The following DIO2 variants were observed in gnomAD, a reference collection of about 807,000 sequenced individuals.
The protein encoded by DIO2 is type II iodothyronine deiodinase.
In DIO2, 19 loss-of-function variants were observed where a neutral mutation model predicts 21.4. The observed-to-expected ratio is 0.89, with a 90% CI of 0.62 to 1.30. DIO2 has a LOEUF of 1.30. Ranked by LOEUF, DIO2 falls within the 50% of genes most tolerant of loss-of-function variation. The pLI, the probability that DIO2 is intolerant of heterozygous loss-of-function variation, is 0.00. For missense variants in DIO2, 302 were observed against 338.1 expected (o/e 0.89, Z 0.84); for synonymous variants, 122 against 132.9 (o/e 0.92, Z 0.57).
At chr14:80,210,766 TTCTTA>T (rs1451102686) in intron 1 of DIO2, among the ~76,000 whole-genome samples, 1 of 152,194 alleles carries the variant, frequency 6.6e-6, no homozygotes, top group African/African-American at 2.4e-5. Flanking sequence ...TATGACCACT[TTCTTA>T]TCTTGTCAAC....
At chr14:80,217,483 A>G (rs771464748) in intron 2 of DIO2, among the ~76,000 whole-genome samples, 55 of 152,174 alleles carry the variant, frequency 3.6e-4, no homozygotes, top group Non-Finnish European at 1.0e-4. Context: ...GTGAATCCTT[A>G]TGCTTTTCTA....
chr14:80,202,944 T>A lies in DIO2; in HGVS notation c.567A>T (p.Glu189Asp). 1 of 1,613,992 alleles carries A rather than the reference T, an allele frequency of 6.2e-7. No individual in the cohort carries two copies. Among genetic ancestry groups the A allele is most frequent in the South Asian group, 1.1e-5 (1 of 91,082 alleles). ...SFEVKKHQNQ[E>D]DRCAAAQQLL... ...GCTGCTGGGCTGCTGCACATCGATCTTCCTGGTTCTGGTGCTTCTTCACCT... is the reference window on the plus strand; with the variant it reads ...GCTGCTGGGCTGCTGCACATCGATCATCCTGGTTCTGGTGCTTCTTCACCT... Residue 189 changes from glutamate to aspartate, a missense_variant, in exon 2 of 2, where the codon GAA becomes GAT. By Grantham distance (45) the Glu-to-Asp change is conservative. Coordinates refer to ENST00000438257, the MANE Select transcript of DIO2 (RefSeq NM_013989.5).
upstream of DIO2, among the ~76,000 whole-genome samples, chr14:80,213,232 C>A (rs1888268145): frequency 6.6e-6 from 1 of 152,162 alleles, no homozygotes; most frequent in Non-Finnish European, 1.5e-5. Flanking sequence ...CCACTTTATT[C>A]TACTTTTTCA....
In DIO2 at chr14:80,221,903, A is replaced by G. The variant is rs920475833; in HGVS notation, c.-277-5166T>C. Among the ~76,000 whole-genome samples, 14 of 152,182 alleles carry G rather than the reference A, an allele frequency of 9.2e-5. No individual in the cohort carries two copies. The East Asian group carries it at 2.7e-3, about 29-fold the overall frequency. On this transcript the variant is annotated intron_variant, in intron 2 of 4. Coordinates refer to the DIO2 transcript ENST00000553594. Reference sequence around the variant, plus strand: ...CAAGTAATAATCTCTTTCATCAGTGATCTGTCATCTTCTCAACTATTTACC... The same window carrying G: ...CAAGTAATAATCTCTTTCATCAGTGGTCTGTCATCTTCTCAACTATTTACC...
intron 2 of DIO2, among the ~76,000 whole-genome samples, chr14:80,222,040 G>A (rs1888476078): frequency 6.6e-6 from 1 of 152,194 alleles, no homozygotes; most frequent in Non-Finnish European, 1.5e-5. Context: ...GAGGAAGGTG[G>A]GAGGGGAGAA....
At chr14:80,213,636 C>T (rs190013770), upstream of DIO2, among the ~76,000 whole-genome samples, 15 of 152,276 alleles carry the variant, frequency 9.9e-5, no homozygotes, top group Non-Finnish European at 1.3e-4. Flanking sequence ...CCATGCTTGG[C>T]GCACAGTTGG....
At chr14:80,213,315 A>T (rs894021484), upstream of DIO2, among the ~76,000 whole-genome samples, 1 of 152,238 alleles carries the variant, frequency 6.6e-6, no homozygotes, top group Non-Finnish European at 1.5e-5. Context: ...GGTAATAGAT[A>T]GCTGAGTTTT....
intron 1 of DIO2, 43 bp downstream of exon 1, chr14:80,211,208 G>A: frequency 1.3e-6 from 2 of 1,558,862 alleles, no homozygotes; most frequent in Non-Finnish European, 1.7e-6. Context: ...ATGAGCCCCT[G>A]CCCCTGTAGA....
At chr14:80,223,392 G>A (rs1357983283) in intron 2 of DIO2, among the ~76,000 whole-genome samples, 1 of 152,192 alleles carries the variant, frequency 6.6e-6, no homozygotes, top group Non-Finnish European at 1.5e-5. Context: ...AACATAGCAT[G>A]TTAAAACTCA....
chr14:80,225,415 T>C (rs1888556232), intron 2 of DIO2, among the ~76,000 whole-genome samples: 1 of 152,180 alleles, frequency 6.6e-6, no homozygotes, highest in African/African-American at 2.4e-5. Flanking sequence ...AAGTTAACAA[T>C]ACTTAAATGC....
At chr14:80,216,489 T>A (rs1888363821), upstream of DIO2, among the ~76,000 whole-genome samples, 1 of 152,158 alleles carries the variant, frequency 6.6e-6, no homozygotes, top group Non-Finnish European at 1.5e-5. Context: ...CCCAAACCTC[T>A]CCAGGTGCCT....
chr14:80,203,230 C>T lies in DIO2; in HGVS notation c.281G>A (p.Gly94Glu). 6.2e-7 allele frequency: 1 copy of T among 1,610,142 alleles called. No homozygotes were observed. ...GGTACCATTGCCACTGTTGTCACCTCCTTCTGTACTGGAGACATGCACCAC... is the reference window on the plus strand; with the variant it reads ...GGTACCATTGCCACTGTTGTCACCTTCTTCTGTACTGGAGACATGCACCAC... ...SSVVHVSSTE[G>E]GDNSGNGTQE... The change falls in exon 2 of 2, where the codon GGA becomes GAA. Residue 94 changes from glycine (G) to glutamate (E), a missense_variant. Physicochemically the swap from Gly to Glu is moderately conservative, Grantham distance 98. Coordinates refer to ENST00000438257, the MANE Select transcript of DIO2 (RefSeq NM_013989.5).
chr14:80,205,735 T>C (rs2140000569), intron 1 of DIO2: 1 of 1,277,586 alleles, frequency 7.8e-7, no homozygotes, highest in South Asian at 1.4e-5. Flanking sequence ...ACACTGTCAG[T>C]CTAAAATAAA....
Position 80,208,758 on chromosome 14 carries a change from T to C in DIO2, c.222+2493A>G, listed in dbSNP as rs188765140. Among the ~76,000 whole-genome samples the C allele has an allele frequency of 4.9e-3, 743 of 152,344 alleles. 2 individuals carry two copies. The highest frequency in any genetic ancestry group is 7.3e-3 in the Non-Finnish European group (495 of 68,014). On this transcript the variant is annotated intron_variant, in intron 1 of 1. Transcript: ENST00000438257. ...GTGATTCAACCTGGTTGAGAGATTCTGAGTGACCCTCAAATGCCACCACAG... is the reference window on the plus strand; with the variant it reads ...GTGATTCAACCTGGTTGAGAGATTCCGAGTGACCCTCAAATGCCACCACAG...
At position 80,202,653 on chromosome 14, in the gene DIO2, C is replaced by A; in HGVS notation, c.*36G>T. The A allele has an allele frequency of 6.5e-7, 1 of 1,542,188 alleles. No homozygotes were observed. Among genetic ancestry groups the A allele is most frequent in the Non-Finnish European group, 8.7e-7 (1 of 1,144,912 alleles). On this transcript the variant is annotated 3_prime_UTR_variant, in exon 2 of 2. Transcript: ENST00000438257. ...TCTTAATTTCCTTGCCTTTATATAACTTTTTAAAACAATAAGCTCTCTTAT... is the reference window on the plus strand; with the variant it reads ...TCTTAATTTCCTTGCCTTTATATAAATTTTTAAAACAATAAGCTCTCTTAT...
chr14:80,229,848 G>T (rs1888650203), intron 2 of DIO2, among the ~76,000 whole-genome samples: 1 of 152,070 alleles, frequency 6.6e-6, no homozygotes, highest in South Asian at 2.1e-4. Flanking sequence ...TCCCATGCCT[G>T]TTCTCCAGAT....
chr14:80,211,536 AGGG>A, upstream of DIO2: 1 of 258,786 alleles, frequency 3.9e-6, no homozygotes, highest in Non-Finnish European at 5.4e-6. Context: ...CTTATTTAAA[AGGG>A]GGGTGGTGAT....
chr14:80,204,128 T>A (rs1368923942), intron 1 of DIO2, among the ~76,000 whole-genome samples: 3 of 152,064 alleles, frequency 2.0e-5, no homozygotes, highest in Admixed American at 1.3e-4. Flanking sequence ...CTCCTCAATA[T>A]GGCATCCTCC....
In DIO2 at chr14:80,198,060, G is replaced by C. The variant is rs1887550131; in HGVS notation, c.*4629C>G. 6.6e-6 allele frequency: 1 copy of C among 152,626 alleles called. No individual in the cohort carries two copies. Among genetic ancestry groups the C allele is most frequent in the Non-Finnish European group, 1.5e-5 (1 of 68,046 alleles). The allele number at this position is 152,626 out of a possible 1,614,324, so 9.5% of individuals were successfully genotyped here. A position where few individuals can be genotyped will look rare whatever the true frequency, so the allele number is the denominator to read the frequency against. ...CACGCTGACCAGTGACATGGGCCTG[G>C]AGAAGTCTTGAGAGAATTTTCTTTA... On this transcript the variant is annotated 3_prime_UTR_variant, in exon 2 of 2. Transcript: ENST00000438257.
Sources: gnomAD v4.1 joint callset for allele counts (sites outside exome capture counted in the v4.1 genomes callset) on GRCh38, gnomAD v4.1.1 for gene constraint, MANE v1.5 for transcripts, NCBI Gene and HGNC (gene_info 2026-07-23, HGNC 2026-07-21) for gene names.